Variants in FGF14 observed in about 807,000 individuals in gnomAD.
FGF14 encodes fibroblast growth factor homologous factor 4.
Under a neutral mutation model 25.5 loss-of-function variants are expected in FGF14, and 5 were observed. That is an observed-to-expected ratio of 0.20 (90% confidence interval 0.10 to 0.41). The LOEUF (loss-of-function observed/expected upper bound fraction) is 0.41, where lower values mean the gene tolerates loss of function less well. FGF14 is among the 10% of genes least tolerant of loss of function. The probability of loss-of-function intolerance (pLI) is 1.00; values close to 1 mark genes in which losing one functional copy is unlikely to be tolerated. For missense variants in FGF14, 222 were observed against 320.1 expected, an observed-to-expected ratio of 0.69 and a Z score of 2.34; for synonymous variants, 138 against 118.3, an observed-to-expected ratio of 1.17 and a Z score of -1.08.
rs59758881 is a variant in FGF14 at position 101,910,837 on chromosome 13, C to CGTGTGTGT, written c.193+5608_193+5615dup. Among the ~76,000 whole-genome samples, 1,043 of 129,298 alleles carry CGTGTGTGT rather than the reference C, an allele frequency of 8.1e-3. 13 individuals carry two copies. The highest frequency in any genetic ancestry group is 0.013 in the Non-Finnish European group (768 of 59,556). 84.8% of individuals were successfully genotyped at this position (129,298 alleles called of 152,430 possible). On this transcript the variant is annotated intron_variant, in intron 1 of 4. Coordinates refer to ENST00000376143, the MANE Select transcript of FGF14 (RefSeq NM_004115.4). ...AAATGGTCTCTTAGAGATTTGGATT[C>CGTGTGTGT]GTGTGTGTGTGTGTGTGTGTGTGTG...
intron 1 of FGF14, among the ~76,000 whole-genome samples, chr13:102,096,350 G>C (rs2044398763): frequency 6.6e-6 from 1 of 151,906 alleles, no homozygotes; most frequent in South Asian, 2.1e-4. Context: ...TTGAAAAATG[G>C]TGACCAATGT....
intron 3 of FGF14, among the ~76,000 whole-genome samples, chr13:101,783,315 C>T (rs1426676472): frequency 6.6e-6 from 1 of 151,980 alleles, no homozygotes; most frequent in Non-Finnish European, 1.5e-5. Context: ...ACTAAAAATA[C>T]AAAAATTAGC....
intron 1 of FGF14, among the ~76,000 whole-genome samples, chr13:102,138,718 G>C (rs932527164): frequency 6.6e-6 from 1 of 152,132 alleles, no homozygotes; most frequent in Non-Finnish European, 1.5e-5. Flanking sequence ...ACTTCCTCCT[G>C]AACAGAAGGA....
intron 1 of FGF14, among the ~76,000 whole-genome samples, chr13:102,060,525 C>CA (rs958273771): frequency 6.6e-6 from 1 of 151,970 alleles, no homozygotes; most frequent in East Asian, 1.9e-4. Context: ...GACTCTGTCT[C>CA]AAAAAAAGAA....
intron 3 of FGF14, among the ~76,000 whole-genome samples, chr13:101,866,409 C>T (rs2044709312): frequency 6.6e-6 from 1 of 152,086 alleles, no homozygotes; most frequent in African/African-American, 2.4e-5. Context: ...TCTTTTCTAT[C>T]TACCACCTGA....
intron 1 of FGF14, among the ~76,000 whole-genome samples, chr13:101,992,927 A>C (rs2139681987): frequency 6.6e-6 from 1 of 152,224 alleles, no homozygotes; most frequent in South Asian, 2.1e-4. Flanking sequence ...AACACTGGCT[A>C]AGAATTTCCC....
At chr13:102,401,760 T>C (rs2058707347) in exon 1 of FGF14, 4 of 1,197,250 alleles carry the variant, frequency 3.3e-6, no homozygotes, top group Admixed American at 1.9e-5. Context: ...TCAGTGATTG[T>C]TTGTTTTCGG....
chr13:102,352,737 A>G (rs966361901), intron 1 of FGF14, among the ~76,000 whole-genome samples: 75 of 150,210 alleles, frequency 5.0e-4, no homozygotes, highest in Middle Eastern at 3.4e-3. Flanking sequence ...GCGTGAACCC[A>G]GGAGGCGGAG....
chr13:101,794,803 TA>T (rs1341561315), intron 3 of FGF14, among the ~76,000 whole-genome samples: 10 of 152,216 alleles, frequency 6.6e-5, no homozygotes, highest in South Asian at 6.2e-4. Context: ...ATGTCTTTAT[TA>T]GGGGAAGTTT....
chr13:102,161,648 A>ACCC, intron 1 of FGF14, among the ~76,000 whole-genome samples: 1 of 18,442 alleles, frequency 5.4e-5, no homozygotes, highest in African/African-American at 3.7e-4. Flanking sequence ...AAGAAGAAGA[A>ACCC]GAAGAAGAAG....
intron 1 of FGF14, among the ~76,000 whole-genome samples, chr13:101,915,290 C>T (rs2033352193): frequency 6.6e-6 from 1 of 152,182 alleles, no homozygotes; most frequent in Non-Finnish European, 1.5e-5. Context: ...TAAGGACACG[C>T]ACTCACTCTT....
chr13:101,761,610 A>G (rs1406946783), intron 3 of FGF14, among the ~76,000 whole-genome samples: 1 of 149,084 alleles, frequency 6.7e-6, no homozygotes, highest in Non-Finnish European at 1.5e-5. Context: ...AGTTTCAAAG[A>G]GCACCAAGGA....
At chr13:102,022,454 C>T (rs2040707997) in intron 1 of FGF14, among the ~76,000 whole-genome samples, 1 of 152,100 alleles carries the variant, frequency 6.6e-6, no homozygotes, top group African/African-American at 2.4e-5. Flanking sequence ...AAAGAGATGG[C>T]ATTATCAACC....
At chr13:101,968,589 C>T (rs879560174) in intron 1 of FGF14, among the ~76,000 whole-genome samples, 1 of 148,528 alleles carries the variant, frequency 6.7e-6, no homozygotes, top group Non-Finnish European at 1.5e-5. Flanking sequence ...AGGAGAATGG[C>T]GTGAACCTGG....
intron 1 of FGF14, among the ~76,000 whole-genome samples, chr13:102,250,112 T>G (rs4772457): frequency 0.62 from 93,671 of 151,986 alleles, 29,107 homozygotes; most frequent in African/African-American, 0.67. Flanking sequence ...CAAAGCACCA[T>G]CATGGAAGGA....
intron 1 of FGF14, among the ~76,000 whole-genome samples, chr13:102,270,630 G>C (rs1341272729): frequency 1.3e-5 from 2 of 152,058 alleles, no homozygotes; most frequent in Non-Finnish European, 2.9e-5. Context: ...TACATGCTTT[G>C]AACTGTAAGT....
intron 3 of FGF14, among the ~76,000 whole-genome samples, chr13:101,790,121 T>C (rs1482102367): frequency 2.9e-5 from 1 of 34,882 alleles, no homozygotes; most frequent in South Asian, 2.4e-3. Context: ...CTAATTCTAG[T>C]ATTTTGGTTT....
At chr13:101,780,472 A>G (rs2039422320) in intron 3 of FGF14, among the ~76,000 whole-genome samples, 2 of 152,274 alleles carry the variant, frequency 1.3e-5, no homozygotes, top group Non-Finnish European at 1.5e-5. Context: ...ATGTCAATCT[A>G]AAGATGCCAA....
chr13:101,771,586 A>G (rs985844997), intron 3 of FGF14, among the ~76,000 whole-genome samples: 6 of 152,094 alleles, frequency 3.9e-5, no homozygotes, highest in Non-Finnish European at 7.4e-5. Context: ...GCAAATACAC[A>G]TCTGGATGCT....
Sources: gnomAD v4.1 joint callset for allele counts (sites outside exome capture counted in the v4.1 genomes callset) on GRCh38, gnomAD v4.1.1 for gene constraint, MANE v1.5 for transcripts, NCBI Gene and HGNC (gene_info 2026-07-23, HGNC 2026-07-21) for gene names.